The following CTNNA3 variants were observed in gnomAD, a reference collection of about 807,000 sequenced individuals.
CTNNA3 encodes the protein catenin alpha-3.
A neutral mutation model predicts 95.7 loss-of-function variants in CTNNA3; 76 were observed. That is an observed-to-expected ratio of 0.79 (90% CI 0.66 to 0.96). The LOEUF (loss-of-function observed/expected upper bound fraction) is 0.96, where lower values mean the gene tolerates loss of function less well. Among genes scored for constraint, CTNNA3 ranks in the 40% least tolerant of loss-of-function variants. The pLI is 0.00. For missense variants in CTNNA3, 1,191 were observed against 1,089.8 expected (o/e 1.09, Z -1.31); for synonymous variants, 431 against 374.4 (o/e 1.15, Z -1.74).
At chr10:66,460,520 A>G (rs1209007514) in intron 11 of CTNNA3, among the ~76,000 whole-genome samples, 1 of 152,070 alleles carries the variant, frequency 6.6e-6, no homozygotes, top group African/African-American at 2.4e-5. Context: ...TTGTTCTAGA[A>G]GGTTTTTTCC....
At chr10:67,102,034 CATCTT>C (rs1224180006) in intron 7 of CTNNA3, among the ~76,000 whole-genome samples, 1 of 151,728 alleles carries the variant, frequency 6.6e-6, no homozygotes, top group Non-Finnish European at 1.5e-5. Flanking sequence ...GATATAATAA[CATCTT>C]ATATTGGCAC....
intron 12 of CTNNA3, 38 bp from the exon 13 acceptor site, chr10:66,280,659 T>C (rs1450100949): frequency 4.6e-6 from 7 of 1,536,058 alleles, no homozygotes; most frequent in Non-Finnish European, 6.1e-6. Context: ...TTGTCCTCTT[T>C]GTATTTTTGG....
At chr10:66,182,670 A>T (rs1013448409) in intron 13 of CTNNA3, among the ~76,000 whole-genome samples, 1 of 152,152 alleles carries the variant, frequency 6.6e-6, no homozygotes, top group Non-Finnish European at 1.5e-5. Context: ...TTTTCCACTC[A>T]ATCTGTCTAC....
chr10:67,475,536 G>C (rs1291225555), intron 5 of CTNNA3, among the ~76,000 whole-genome samples: 1 of 152,086 alleles, frequency 6.6e-6, no homozygotes, highest in East Asian at 1.9e-4. Flanking sequence ...AATTACCAAA[G>C]ACTATATCCC....
intron 7 of CTNNA3, among the ~76,000 whole-genome samples, chr10:66,961,988 T>C (rs1849134143): frequency 6.6e-6 from 1 of 152,190 alleles, no homozygotes; most frequent in Admixed American, 6.5e-5. Flanking sequence ...GCTGTAAATG[T>C]AACTTAAGTC....
chr10:67,421,606 C>A (rs1845752518), intron 5 of CTNNA3, among the ~76,000 whole-genome samples: 1 of 152,174 alleles, frequency 6.6e-6, no homozygotes, highest in East Asian at 1.9e-4. Context: ...TCAATTTACA[C>A]AACCCTTCTT....
chr10:66,927,175 C>G lies in CTNNA3; in HGVS notation c.1048-151651G>C. 3 of 1,614,104 alleles carry G rather than the reference C, an allele frequency of 1.9e-6. No homozygotes were observed. Among genetic ancestry groups the G allele is most frequent in the Non-Finnish European group, 1.7e-6 (2 of 1,179,996 alleles). On this transcript the variant is annotated intron_variant, in intron 7 of 17. Coordinates refer to ENST00000433211, the MANE Select transcript of CTNNA3 (RefSeq NM_013266.4). This position sits in a 1 kb window ranked among gnomAD's most constrained non-coding sequence, Gnocchi z 4.7. ...TAATCAATTTAAAGGGCTCAACCAG[C>G]TCACCTGGCTATACCTTGACCATAA...
intron 7 of CTNNA3, among the ~76,000 whole-genome samples, chr10:67,167,121 A>G (rs1395599430): frequency 6.6e-6 from 1 of 152,150 alleles, no homozygotes; most frequent in African/African-American, 2.4e-5. Context: ...AAAAGAAAAA[A>G]AAAAAGGCAA....
At chr10:67,034,930 C>T (rs1203245429) in intron 7 of CTNNA3, among the ~76,000 whole-genome samples, 1 of 152,138 alleles carries the variant, frequency 6.6e-6, no homozygotes, top group South Asian at 2.1e-4. Flanking sequence ...TTTCTTCTGG[C>T]CTTCTTACTG....
At chr10:66,926,216 G>A in intron 7 of CTNNA3, 1 of 450,212 alleles carries the variant, frequency 2.2e-6, no homozygotes, top group Non-Finnish European at 4.3e-6. Context: ...AAATTGCCTG[G>A]AAGAATACAT....
At position 66,927,235 on chromosome 10, in the gene CTNNA3, G is replaced by A; in HGVS notation, c.1048-151711C>T. ...CAATATTGACGAAAATGCTTTTAAT[G>A]GAATACGCAGACTCAAAGAGCTGAT... On this transcript the variant is annotated intron_variant, in intron 7 of 17. Transcript: ENST00000433211. This position sits in a 1 kb window ranked among gnomAD's most constrained non-coding sequence, Gnocchi z 4.7. 6.2e-7 allele frequency: 1 copy of A among 1,614,094 alleles called. No individual in the cohort carries two copies. Among genetic ancestry groups the A allele is most frequent in the Non-Finnish European group, 8.5e-7 (1 of 1,180,038 alleles).
chr10:66,719,325 G>A (rs1848552218), intron 9 of CTNNA3, among the ~76,000 whole-genome samples: 1 of 152,060 alleles, frequency 6.6e-6, no homozygotes, highest in Admixed American at 6.6e-5. Flanking sequence ...TTTATATTAA[G>A]TGTTTATTTG....
chr10:66,553,811 G>T (rs1842304936), intron 10 of CTNNA3, among the ~76,000 whole-genome samples: 1 of 152,000 alleles, frequency 6.6e-6, no homozygotes, highest in Non-Finnish European at 1.5e-5. Context: ...ACAGGCGTGA[G>T]CCACTGCGCC....
At chr10:67,009,233 A>G (rs1174010096) in intron 7 of CTNNA3, among the ~76,000 whole-genome samples, 1 of 152,084 alleles carries the variant, frequency 6.6e-6, no homozygotes, top group Non-Finnish European at 1.5e-5. Context: ...TACAAATTAT[A>G]TTTATATTGG....
intron 9 of CTNNA3, among the ~76,000 whole-genome samples, chr10:66,666,267 C>T (rs1291846855): frequency 6.6e-6 from 1 of 152,112 alleles, no homozygotes; most frequent in African/African-American, 2.4e-5. Flanking sequence ...CATTTGCTGC[C>T]TGGTATTACG....
intron 1 of CTNNA3, among the ~76,000 whole-genome samples, chr10:67,737,448 G>A (rs1183072745): frequency 6.6e-6 from 1 of 151,704 alleles, no homozygotes; most frequent in Non-Finnish European, 1.5e-5. Context: ...AACTAGAAAA[G>A]CAGGAACAAA....
chr10:66,856,546 TC>T lies in CTNNA3; in HGVS notation c.1048-81023del, dbSNP rs370927528. ...TCAGCAGTGTATAAGTATTCCCTTT[TC>T]CCTACAGCCTCACCAGTAACTGTTA... On this transcript the variant is annotated intron_variant, in intron 7 of 17. Coordinates refer to ENST00000433211, the MANE Select transcript of CTNNA3 (RefSeq NM_013266.4). 1.6e-4 allele frequency among the ~76,000 whole-genome samples: 25 copies of T among 152,220 alleles called. No individual in the cohort carries two copies. In the South Asian group the frequency reaches 2.1e-3, roughly 13 times the overall value.
intron 9 of CTNNA3, among the ~76,000 whole-genome samples, chr10:66,674,379 A>G (rs1846772598): frequency 6.6e-6 from 1 of 151,814 alleles, no homozygotes. Context: ...GTATAGTGTA[A>G]TTAAGGTTAT....
chr10:67,100,298 C>T (rs1406118602), intron 7 of CTNNA3, among the ~76,000 whole-genome samples: 1 of 151,696 alleles, frequency 6.6e-6, no homozygotes, highest in Non-Finnish European at 1.5e-5. Context: ...CTAAGCTACA[C>T]CAAATACGCC....
Sources: gnomAD v4.1 joint callset for allele counts (sites outside exome capture counted in the v4.1 genomes callset) on GRCh38, gnomAD v4.1.1 for gene constraint, Gnocchi (gnomAD v3.1) non-coding constraint, MANE v1.5 for transcripts, NCBI Gene and HGNC (gene_info 2026-07-23, HGNC 2026-07-21) for gene names.